LGSN: variants seen among roughly 807,000 people sequenced by gnomAD.
The protein encoded by LGSN is lengsin, lens protein with glutamine synthetase domain, also known as lengsin.
In LGSN, 21 loss-of-function variants were observed where a neutral mutation model predicts 19.5. That is an observed-to-expected ratio of 1.07 (90% CI 0.76 to 1.55). LGSN has a LOEUF of 1.55. LGSN is among the 40% of genes most tolerant of loss of function. The pLI is 0.00. For synonymous variants in LGSN, 257 were observed against 215.6 expected, an observed-to-expected ratio of 1.19 and a Z score of -1.68; for missense variants, 673 against 608.5, an observed-to-expected ratio of 1.11 and a Z score of -1.12.
intron 1 of LGSN, among the ~76,000 whole-genome samples, chr6:63,304,340 A>G (rs906396466): frequency 2.0e-5 from 3 of 152,214 alleles, no homozygotes; most frequent in Non-Finnish European, 4.4e-5. Flanking sequence ...TTAGAAATGT[A>G]TCCCTTACAG....
At chr6:63,522,439 C>G in the LGSN span, among the ~76,000 whole-genome samples, 1 of 152,164 alleles carries the variant, frequency 6.6e-6, no homozygotes, top group Admixed American at 6.6e-5. Context: ...ACCCTAGTTA[C>G]AATTCAGGTG....
At chr6:63,443,122 A>G in the LGSN span, among the ~76,000 whole-genome samples, 2 of 152,310 alleles carry the variant, frequency 1.3e-5, no homozygotes, top group African/African-American at 4.8e-5. Flanking sequence ...TAAGAATTCA[A>G]GCCGGGTGCG....
the LGSN span, among the ~76,000 whole-genome samples, chr6:63,539,095 G>A: frequency 2.0e-5 from 3 of 151,978 alleles, no homozygotes; most frequent in Non-Finnish European, 2.9e-5. Context: ...GTTTCACCAT[G>A]TTGGCCCATG....
chr6:63,307,673 C>A (rs538554215), intron 1 of LGSN, among the ~76,000 whole-genome samples: 2 of 152,160 alleles, frequency 1.3e-5, no homozygotes, highest in Non-Finnish European at 2.9e-5. Flanking sequence ...AAAAGCAATG[C>A]CTGATGCATG....
At chr6:63,490,883 A>C in the LGSN span, among the ~76,000 whole-genome samples, 7 of 152,186 alleles carry the variant, frequency 4.6e-5, no homozygotes, top group Non-Finnish European at 8.8e-5. Flanking sequence ...TCCCAGTTCA[A>C]GTATGAAAAA....
At chr6:63,309,024 A>G (rs551595084) in intron 1 of LGSN, among the ~76,000 whole-genome samples, 1 of 152,338 alleles carries the variant, frequency 6.6e-6, no homozygotes, top group African/African-American at 2.4e-5. Flanking sequence ...AAGATACGTC[A>G]TGTATGTTCA....
At chr6:63,417,416 C>G in the LGSN span, among the ~76,000 whole-genome samples, 10 of 152,340 alleles carry the variant, frequency 6.6e-5, no homozygotes, top group East Asian at 1.9e-3. Context: ...CTCCTATCTT[C>G]TCTTTATTCT....
chr6:63,530,076 TAAC>T, the LGSN span, among the ~76,000 whole-genome samples: 1 of 151,958 alleles, frequency 6.6e-6, no homozygotes, highest in African/African-American at 2.4e-5. Context: ...GCAAGGATAA[TAAC>T]AGTATAGATT....
chr6:63,502,454 C>T, the LGSN span, among the ~76,000 whole-genome samples: 1 of 151,668 alleles, frequency 6.6e-6, no homozygotes, highest in Admixed American at 6.6e-5. Flanking sequence ...TGAGAATGAA[C>T]AGGGAAAAAA....
At chr6:63,333,964 A>G in the LGSN span, among the ~76,000 whole-genome samples, 51 of 152,344 alleles carry the variant, frequency 3.3e-4, no homozygotes, top group African/African-American at 1.2e-3. Context: ...TGGTGTAGAA[A>G]ATATACTTCA....
At chr6:63,374,447 A>T in the LGSN span, among the ~76,000 whole-genome samples, 1 of 152,338 alleles carries the variant, frequency 6.6e-6, no homozygotes, top group African/African-American at 2.4e-5. Flanking sequence ...ACCAGCAGCA[A>T]TTCTAAGATG....
the LGSN span, among the ~76,000 whole-genome samples, chr6:63,467,247 A>G: frequency 6.7e-6 from 1 of 149,278 alleles, no homozygotes; most frequent in Non-Finnish European, 1.5e-5. Flanking sequence ...GTAAACAATA[A>G]AAAAGAAAGT....
the LGSN span, among the ~76,000 whole-genome samples, chr6:63,558,299 G>C: frequency 6.6e-6 from 1 of 152,240 alleles, no homozygotes; most frequent in East Asian, 1.9e-4. Flanking sequence ...GGATGGAGGA[G>C]AGAAAGAAGC....
the LGSN span, among the ~76,000 whole-genome samples, chr6:63,535,783 A>G: frequency 2.0e-5 from 3 of 152,162 alleles, no homozygotes; most frequent in Admixed American, 6.5e-5. Flanking sequence ...TTAAAAATCA[A>G]TAGCTATATT....
the LGSN span, among the ~76,000 whole-genome samples, chr6:63,386,426 A>G: frequency 6.6e-6 from 1 of 151,966 alleles, no homozygotes; most frequent in South Asian, 2.1e-4. Context: ...ATTATTGCTT[A>G]CTTGTTTGTT....
the LGSN span, among the ~76,000 whole-genome samples, chr6:63,422,511 A>C: frequency 6.6e-6 from 1 of 152,158 alleles, no homozygotes; most frequent in African/African-American, 2.4e-5. Context: ...TTTGCTATGA[A>C]CCTATAAATT....
At chr6:63,568,406 TATTCAAC>T in the LGSN span, among the ~76,000 whole-genome samples, 2 of 152,242 alleles carry the variant, frequency 1.3e-5, no homozygotes, top group African/African-American at 4.8e-5. Flanking sequence ...AGTCAGAATA[TATTCAAC>T]ATTTATCAAA....
At chr6:63,439,120 C>T in the LGSN span, among the ~76,000 whole-genome samples, 1 of 151,894 alleles carries the variant, frequency 6.6e-6, no homozygotes, top group Non-Finnish European at 1.5e-5. Flanking sequence ...AACCAAACAC[C>T]GCATATTCTC....
the LGSN span, among the ~76,000 whole-genome samples, chr6:63,417,188 T>C: frequency 6.6e-6 from 1 of 152,170 alleles, no homozygotes; most frequent in Non-Finnish European, 1.5e-5. Flanking sequence ...CCCATTCCTA[T>C]GAGAATCATC....
Sources: allele counts gnomAD v4.1 joint callset (sites outside exome capture counted in the v4.1 genomes callset), GRCh38; gene constraint gnomAD v4.1.1; transcripts MANE v1.5; gene names NCBI Gene and HGNC (gene_info 2026-07-23, HGNC 2026-07-21).